ARFGEF3: variants seen among roughly 807,000 people sequenced by gnomAD.
The protein encoded by ARFGEF3 is ARFGEF family member 3.
A neutral mutation model predicts 221.7 loss-of-function variants in ARFGEF3; 96 were observed. The ratio of observed to expected loss-of-function variants is 0.43; its 90% confidence interval spans 0.37 to 0.51. The LOEUF is 0.51. ARFGEF3 is among the 20% of genes least tolerant of loss of function. The pLI is 0.00. For synonymous variants in ARFGEF3, 1,145 were observed against 1,126.8 expected (o/e 1.02, Z -0.32); for missense variants, 2,410 against 2,789.9 (o/e 0.86, Z 3.07).
rs77788875 is a variant in ARFGEF3, at chr6:138,307,542, C to T, written c.3973+145C>T. The T allele has an allele frequency of 3.8e-4, 293 of 770,928 alleles. 3 individuals carry two copies. In the East Asian group the frequency reaches 4.9e-3, roughly 13 times the overall value. 47.8% of individuals were successfully genotyped at this position (770,928 alleles called of 1,614,324 possible). A position where few individuals can be genotyped will look rare whatever the true frequency, so the allele number is the denominator to read the frequency against. ...AGGAAAGAATGTGGTGTAGCAGGAA[C>T]ATGAGTCCTGAGTTCTGCCAGCAGG... On this transcript the variant is annotated intron_variant, in intron 23 of 33. Coordinates refer to ENST00000251691, the MANE Select transcript of ARFGEF3 (RefSeq NM_020340.5).
intron 12 of ARFGEF3, among the ~76,000 whole-genome samples, chr6:138,267,355 G>T (rs1305779236): frequency 1.3e-5 from 2 of 152,082 alleles, no homozygotes; most frequent in African/African-American, 4.8e-5. Context: ...AACCCAGGAG[G>T]CGGAGGTTGC....
intron 4 of ARFGEF3, among the ~76,000 whole-genome samples, chr6:138,225,166 G>T (rs1341452424): frequency 2.0e-5 from 3 of 152,194 alleles, no homozygotes; most frequent in Non-Finnish European, 4.4e-5. Flanking sequence ...TTAAGTGCCT[G>T]TTTTCTCTCT....
chr6:138,314,069 C>T (rs996121304), intron 26 of ARFGEF3, 130 bp downstream of exon 26: 63 of 951,700 alleles, frequency 6.6e-5, no homozygotes, highest in Non-Finnish European at 9.0e-5. Flanking sequence ...TAAGAGAATA[C>T]TTGAGAGTGA....
intron 1 of ARFGEF3, 41 bp from the exon 2 acceptor site, chr6:138,170,621 G>T (rs779328372): frequency 3.5e-6 from 4 of 1,130,928 alleles, no homozygotes; most frequent in Non-Finnish European, 5.3e-6. Context: ...TATTCTCAGT[G>T]TTTAAATATT....
At chr6:138,275,247 TGTTTCATAAGGCAGAG>T (rs1707179947) in intron 12 of ARFGEF3, among the ~76,000 whole-genome samples, 1 of 152,188 alleles carries the variant, frequency 6.6e-6, no homozygotes, top group Admixed American at 6.5e-5. Flanking sequence ...TCCCCTGCCT[TGTTTCATAAGGCAGAG>T]GTAATGCCCA....
At chr6:138,177,257 T>A (rs1776972382) in intron 2 of ARFGEF3, among the ~76,000 whole-genome samples, 1 of 151,408 alleles carries the variant, frequency 6.6e-6, no homozygotes, top group Admixed American at 6.6e-5. Flanking sequence ...CCCAGCTAAT[T>A]TCTGTATTTT....
At chr6:138,224,865 T>C (rs1210832034) in intron 4 of ARFGEF3, among the ~76,000 whole-genome samples, 2 of 152,246 alleles carry the variant, frequency 1.3e-5, no homozygotes, top group African/African-American at 4.8e-5. Flanking sequence ...AAATATTTTA[T>C]ATTATGCAAT....
At chr6:138,180,455 A>C (rs1267278914) in intron 2 of ARFGEF3, among the ~76,000 whole-genome samples, 1 of 151,998 alleles carries the variant, frequency 6.6e-6, no homozygotes, top group Non-Finnish European at 1.5e-5. Context: ...TTGGATGTAA[A>C]CTCATCTCGA....
At chr6:138,271,102 A>T (rs572893692) in intron 12 of ARFGEF3, among the ~76,000 whole-genome samples, 1 of 152,300 alleles carries the variant, frequency 6.6e-6, no homozygotes, top group South Asian at 2.1e-4. Context: ...TAATAAATGG[A>T]GGAAGAGAAG....
At chr6:138,281,597 G>A (rs1779198276) in intron 14 of ARFGEF3, among the ~76,000 whole-genome samples, 1 of 152,190 alleles carries the variant, frequency 6.6e-6, no homozygotes, top group South Asian at 2.1e-4. Flanking sequence ...TAACTCGTTT[G>A]GGATAATAGC....
chr6:138,323,535 C>T (rs1030066116), intron 29 of ARFGEF3, 136 bp from the exon 30 acceptor site: 34 of 649,876 alleles, frequency 5.2e-5, no homozygotes, highest in African/African-American at 9.2e-5. Flanking sequence ...TGCTTGAACC[C>T]GGGAGATGGA....
intron 12 of ARFGEF3, among the ~76,000 whole-genome samples, chr6:138,276,126 C>T (rs559080567): frequency 9.1e-6 from 1 of 110,034 alleles, no homozygotes; most frequent in South Asian, 3.2e-4. Flanking sequence ...TTGTTCCACA[C>T]TTGGCTGGTA....
chr6:138,273,543 G>A (rs1779040970), intron 12 of ARFGEF3, among the ~76,000 whole-genome samples: 2 of 152,218 alleles, frequency 1.3e-5, no homozygotes, highest in Non-Finnish European at 2.9e-5. Flanking sequence ...CAATCAGAGG[G>A]AAGAATGGAA....
Position 138,322,348 on chromosome 6 carries a change from C to A in ARFGEF3, c.4766+1123C>A, listed in dbSNP as rs181316094. Among the ~76,000 whole-genome samples, 3 of 152,282 alleles carry A rather than the reference C, an allele frequency of 2.0e-5. No homozygotes were observed. In the East Asian group the frequency reaches 5.8e-4, roughly 29 times the overall value. On this transcript the variant is annotated intron_variant, in intron 29 of 33. Transcript: ENST00000251691. ...ATCTCATGAGACTTATTCACTATAA[C>A]AGCATGGGAAAGACCCGGCCCGATG...
At chr6:138,290,348 TCTTTA>T (rs1439897340) in intron 18 of ARFGEF3, among the ~76,000 whole-genome samples, 3 of 152,254 alleles carry the variant, frequency 2.0e-5, no homozygotes, top group Non-Finnish European at 2.9e-5. Context: ...ATCAATGTCC[TCTTTA>T]CTTAAAGAAG....
rs1780466870 is a variant in ARFGEF3 at position 138,343,550 on chromosome 6, A to T, written c.*7064A>T. 1 of 152,128 alleles carries T rather than the reference A, an allele frequency of 6.6e-6. No individual in the cohort carries two copies. Among genetic ancestry groups the T allele is most frequent in the Non-Finnish European group, 1.5e-5 (1 of 68,034 alleles). The allele number at this position is 152,128 out of a possible 1,614,324, so 9.4% of individuals were successfully genotyped here. A position where few individuals can be genotyped will look rare whatever the true frequency, so the allele number is the denominator to read the frequency against. On this transcript the variant is annotated 3_prime_UTR_variant, in exon 34 of 34. Transcript: ENST00000251691. ...TTTTAGTAACACTGATTTTAAAATT[A>T]AATTTCAAAAGTCAATCTCTAAGAG... is the stretch of plus-strand genomic sequence containing the variant.
chr6:138,185,019 C>G (rs1344819788), intron 2 of ARFGEF3, among the ~76,000 whole-genome samples: 1 of 152,186 alleles, frequency 6.6e-6, no homozygotes, highest in Non-Finnish European at 1.5e-5. Context: ...CTTGCCTACC[C>G]AACATCCAAC....
intron 1 of ARFGEF3, among the ~76,000 whole-genome samples, chr6:138,166,878 A>G (rs1353167651): frequency 6.6e-6 from 1 of 152,224 alleles, no homozygotes; most frequent in Non-Finnish European, 1.5e-5. Flanking sequence ...CTATCTACCC[A>G]TCTGCTTTTT....
intron 4 of ARFGEF3, chr6:138,218,049 G>T: frequency 6.2e-7 from 1 of 1,613,720 alleles, no homozygotes. Flanking sequence ...CAGACCTAGG[G>T]TCTGAGTTAA....
Sources: gnomAD v4.1 joint callset for allele counts (sites outside exome capture counted in the v4.1 genomes callset) on GRCh38, gnomAD v4.1.1 for gene constraint, MANE v1.5 for transcripts, NCBI Gene and HGNC (gene_info 2026-07-23, HGNC 2026-07-21) for gene names.